Variants in AGPAT3 observed in about 807,000 individuals in gnomAD.
AGPAT3 encodes 1-acyl-sn-glycerol-3-phosphate acyltransferase gamma.
A neutral mutation model predicts 47.3 loss-of-function variants in AGPAT3; 5 were observed. The observed-to-expected ratio is 0.11, with a 90% CI of 0.06 to 0.22. The LOEUF (loss-of-function observed/expected upper bound fraction) is 0.22. AGPAT3 is among the 10% of genes least tolerant of loss of function. The pLI, the probability that AGPAT3 is intolerant of heterozygous loss-of-function variation, is 1.00. For missense variants in AGPAT3, 315 were observed against 493.0 expected, an observed-to-expected ratio of 0.64 and a Z score of 3.42; for synonymous variants, 212 against 208.3, an observed-to-expected ratio of 1.02 and a Z score of -0.15.
At chr21:43,941,259 C>T (rs1315382304) in intron 2 of AGPAT3, among the ~76,000 whole-genome samples, 1 of 152,234 alleles carries the variant, frequency 6.6e-6, no homozygotes, top group Non-Finnish European at 1.5e-5. Context: ...AGCTGCTTCT[C>T]TCTGATCTGG....
At chr21:43,925,777 G>A (rs893164092) in intron 2 of AGPAT3, among the ~76,000 whole-genome samples, 2 of 152,230 alleles carry the variant, frequency 1.3e-5, no homozygotes, top group African/African-American at 2.4e-5. Flanking sequence ...TGTCTCCAGC[G>A]CCCACATTCC....
At chr21:43,971,051 A>G (rs939572790) in intron 6 of AGPAT3, among the ~76,000 whole-genome samples, 7 of 152,224 alleles carry the variant, frequency 4.6e-5, no homozygotes, top group Admixed American at 3.9e-4. Flanking sequence ...TGAAGGGAAA[A>G]TAATCATTAT....
intron 7 of AGPAT3, among the ~76,000 whole-genome samples, chr21:43,975,722 G>T (rs894972417): frequency 1.3e-5 from 2 of 152,152 alleles, no homozygotes; most frequent in Admixed American, 1.3e-4. Context: ...CTTAATTTTG[G>T]GTTTTTTTTG....
chr21:43,935,858 G>T (rs1372063971), intron 2 of AGPAT3, among the ~76,000 whole-genome samples: 1 of 152,232 alleles, frequency 6.6e-6, no homozygotes, highest in African/African-American at 2.4e-5. Context: ...GAGTGGAGAA[G>T]CCTCAGCCAG....
intron 3 of AGPAT3, among the ~76,000 whole-genome samples, chr21:43,960,976 AC>A (rs2088803996): frequency 6.6e-6 from 1 of 152,050 alleles, no homozygotes; most frequent in African/African-American, 2.4e-5. Context: ...CCCTGTCTCT[AC>A]TAAAAATACA....
chr21:43,935,694 A>C (rs928937051), intron 2 of AGPAT3, among the ~76,000 whole-genome samples: 2 of 148,608 alleles, frequency 1.3e-5, no homozygotes, highest in African/African-American at 5.0e-5. Context: ...AAAGGGAACG[A>C]CTCTCCCAGG....
chr21:43,882,645 C>G (rs1454799747), intron 1 of AGPAT3: 1 of 152,324 alleles, frequency 6.6e-6, no homozygotes, highest in Non-Finnish European at 1.5e-5. Context: ...CATTTCAGCC[C>G]CCCTCTAAGA....
chr21:43,949,705 T>C (rs1297967863), intron 2 of AGPAT3, among the ~76,000 whole-genome samples: 2 of 152,234 alleles, frequency 1.3e-5, no homozygotes, highest in African/African-American at 4.8e-5. Context: ...TCAGCTCTGC[T>C]TTTGTATCTT....
chr21:43,919,670 A>T (rs2086843926), intron 2 of AGPAT3: 1 of 152,178 alleles, frequency 6.6e-6, no homozygotes, highest in Non-Finnish European at 1.5e-5. Context: ...GGATTGCTGG[A>T]TCGAATGGTG....
At chr21:43,938,285 A>G (rs1487987301) in intron 2 of AGPAT3, among the ~76,000 whole-genome samples, 1 of 144,892 alleles carries the variant, frequency 6.9e-6, no homozygotes, top group Non-Finnish European at 1.5e-5. Flanking sequence ...CGTACTGAGG[A>G]TTAGAAGTCA....
chr21:43,975,582 C>G (rs1188313898), intron 7 of AGPAT3, among the ~76,000 whole-genome samples: 1 of 152,216 alleles, frequency 6.6e-6, no homozygotes, highest in Non-Finnish European at 1.5e-5. Flanking sequence ...ACCTGCCTGG[C>G]TGTGGAAACC....
intron 2 of AGPAT3, among the ~76,000 whole-genome samples, chr21:43,943,340 C>T (rs1311555158): frequency 2.6e-5 from 4 of 152,356 alleles, no homozygotes; most frequent in Admixed American, 6.5e-5. Context: ...TCCCAAAGTG[C>T]TGGGATTACA....
chr21:43,957,294 G>C (rs961846734), intron 2 of AGPAT3, among the ~76,000 whole-genome samples: 3 of 152,208 alleles, frequency 2.0e-5, no homozygotes, highest in Admixed American at 1.3e-4. Flanking sequence ...CTGGGTGCAA[G>C]AATGGCCACA....
At chr21:43,909,756 G>A (rs1044757192) in intron 2 of AGPAT3, among the ~76,000 whole-genome samples, 1 of 152,260 alleles carries the variant, frequency 6.6e-6, no homozygotes, top group African/African-American at 2.4e-5. Flanking sequence ...CTGCAGGCCG[G>A]CTGTGGATCT....
In AGPAT3 at chr21:43,908,770, T is replaced by G. The variant is rs1039839452; in HGVS notation, c.-49+4751T>G. Among the ~76,000 whole-genome samples, 12 of 152,220 alleles carry G rather than the reference T, an allele frequency of 7.9e-5. No homozygotes were observed. The highest frequency in any genetic ancestry group is 2.9e-4 in the African/African-American group (12 of 41,448). On this transcript the variant is annotated intron_variant, in intron 2 of 9. Transcript: ENST00000291572. The surrounding 1 kb of genome is among the most constrained non-coding windows in gnomAD (Gnocchi z 4.9). Reference sequence around the variant, plus strand: ...GATCAAAGCCCGTGCTGCGTCAGCGTGGTGGCCTGCCAGCTCCAGGCTGCA... The same window carrying G: ...GATCAAAGCCCGTGCTGCGTCAGCGGGGTGGCCTGCCAGCTCCAGGCTGCA...
rs184053038 is a variant in AGPAT3, at chr21:43,965,621, T to C, written c.179-2325T>C. ...AATTTTAGGTTTTTTTTGTTGTTGT[T>C]GTTGTTTTGAGACAGAGTCTCTCTG... On this transcript the variant is annotated intron_variant, in intron 3 of 9. Coordinates refer to ENST00000291572, the MANE Select transcript of AGPAT3 (RefSeq NM_020132.5). 9 of 152,642 alleles carry C rather than the reference T, an allele frequency of 5.9e-5. No individual in the cohort carries two copies. The East Asian group carries it at 1.7e-3, about 29-fold the overall frequency. The allele number at this position is 152,642 out of a possible 1,614,324, so 9.5% of individuals were successfully genotyped here. A position where few individuals can be genotyped will look rare whatever the true frequency, so the allele number is the denominator to read the frequency against.
chr21:43,891,184 T>C (rs1331347264), intron 1 of AGPAT3, among the ~76,000 whole-genome samples: 1 of 152,244 alleles, frequency 6.6e-6, no homozygotes, highest in Non-Finnish European at 1.5e-5. Context: ...AGAACTTCTT[T>C]CCAAATTGGA....
At position 43,973,541 on chromosome 21, in the gene AGPAT3, C is replaced by T. The variant is rs577661013; in HGVS notation, c.767+2051C>T. ...CACCCGCCAAGCTGCACGGCGCCTC[C>T]GCCTCGGGTGCCACACAGCCCCCCA... On this transcript the variant is annotated intron_variant, in intron 7 of 9. Transcript: ENST00000291572. 1.6e-3 allele frequency among the ~76,000 whole-genome samples: 248 copies of T among 152,368 alleles called. 1 individual carries two copies. The highest frequency in any genetic ancestry group is 5.1e-3 in the African/African-American group (213 of 41,580).
chr21:43,884,685 G>C (rs1197130753), intron 1 of AGPAT3, among the ~76,000 whole-genome samples: 1 of 151,720 alleles, frequency 6.6e-6, no homozygotes, highest in African/African-American at 2.4e-5. Flanking sequence ...ATGCTGGGTG[G>C]CCTGGTGCTG....
Sources: gnomAD v4.1 joint callset for allele counts (sites outside exome capture counted in the v4.1 genomes callset) on GRCh38, gnomAD v4.1.1 for gene constraint, Gnocchi (gnomAD v3.1) non-coding constraint, MANE v1.5 for transcripts, NCBI Gene and HGNC (gene_info 2026-07-23, HGNC 2026-07-21) for gene names.